Variants in DUS4L observed in about 807,000 individuals in gnomAD.
DUS4L encodes dihydrouridine synthase 4 like, also known as tRNA-dihydrouridine(20a/20b) synthase [NAD(P)+]-like.
Under a neutral mutation model 33.8 loss-of-function variants are expected in DUS4L, and 31 were observed. The observed-to-expected ratio is 0.92, with a 90% confidence interval of 0.69 to 1.24. The LOEUF is 1.24. DUS4L is among the 50% of genes most tolerant of loss of function. DUS4L has a pLI of 0.00. For synonymous variants in DUS4L, 103 were observed against 120.3 expected (o/e 0.86, Z 0.94); for missense variants, 368 against 388.6 (o/e 0.95, Z 0.45).
At position 107,573,693 on chromosome 7, in the gene DUS4L, C is replaced by T. The variant is rs912710102; in HGVS notation, c.239-11C>T. The T allele has an allele frequency of 6.2e-7, 1 of 1,602,184 alleles. No individual in the cohort carries two copies. The highest frequency in any genetic ancestry group is 1.3e-5 in the African/African-American group (1 of 74,250). On this transcript the variant is annotated splice_polypyrimidine_tract_variant and intron_variant, in intron 4 of 7. Coordinates refer to ENST00000265720, the MANE Select transcript of DUS4L (RefSeq NM_181581.3). ...CTGTGAATTTTAATGTTGAGCTATT[C>T]ATTTTGTCAGGTGATTGCCCATTGA...
intron 7 of DUS4L, chr7:107,576,914 A>G (rs2129198667): frequency 3.3e-6 from 1 of 300,282 alleles, no homozygotes. Flanking sequence ...GATAAGAGCT[A>G]AAGGAATCCC....
chr7:107,564,149 C>G lies in DUS4L; in HGVS notation c.-171C>G. On this transcript the variant is annotated 5_prime_UTR_variant, in exon 1 of 8. Coordinates refer to ENST00000265720, the MANE Select transcript of DUS4L (RefSeq NM_181581.3). ...CCGTCGGGCCGGCGCTTTCAGCTGT[C>G]TCTCGCAGCAGCTCAGGGCCGCGCC... is the stretch of plus-strand genomic sequence containing the variant. 5.3e-6 allele frequency: 4 copies of G among 761,258 alleles called. No individual in the cohort carries two copies. The South Asian group carries it at 7.0e-5, about 13-fold the overall frequency. The allele number at this position is 761,258 out of a possible 1,614,324, so 47.2% of individuals were successfully genotyped here.
At chr7:107,575,691 A>T (rs1805658779) in intron 6 of DUS4L, 1 of 169,940 alleles carries the variant, frequency 5.9e-6, no homozygotes, top group African/African-American at 2.4e-5. Flanking sequence ...TGACAGGTTG[A>T]AAACATATTT....
At chr7:107,564,268 C>T in intron 1 of DUS4L, 59 bp downstream of exon 1, 1 of 521,952 alleles carries the variant, frequency 1.9e-6, no homozygotes, top group Non-Finnish European at 3.5e-6. Flanking sequence ...AACCTCAGAA[C>T]AGGGGCCGCG....
Position 107,567,123 on chromosome 7 carries a change from C to T in DUS4L, c.53C>T (p.Pro18Leu). ...ATATGTCAGGAAAGAAAAAAAGATCCCATAGAAATGTTTCATTCTGGACAG... is the reference window on the plus strand; with the variant it reads ...ATATGTCAGGAAAGAAAAAAAGATCTCATAGAAATGTTTCATTCTGGACAG... ...TTICQERKKDPIEMFHSGQLV... is the reference protein window; with the variant it reads ...TTICQERKKDLIEMFHSGQLV... The change falls in exon 3 of 8, where the codon CCC (proline) becomes CTC (leucine). Residue 18 changes from proline (P) to leucine (L), a missense_variant. Coordinates refer to ENST00000265720, the MANE Select transcript of DUS4L (RefSeq NM_181581.3). The T allele has an allele frequency of 6.2e-7, 1 of 1,613,450 alleles. No individual in the cohort carries two copies. The highest frequency in any genetic ancestry group is 2.2e-5 in the East Asian group (1 of 44,780).
intron 5 of DUS4L, 79 bp from the exon 6 acceptor site, chr7:107,575,109 T>TA (rs1359360750): frequency 6.4e-7 from 1 of 1,573,686 alleles, no homozygotes; most frequent in East Asian, 2.2e-5. Flanking sequence ...TGGATGCACT[T>TA]ACATTTCAGT....
At chr7:107,567,627 T>C (rs1022340943) in intron 3 of DUS4L, 2 of 252,908 alleles carry the variant, frequency 7.9e-6, no homozygotes, top group Admixed American at 5.3e-5. Context: ...TGAGTTTTTT[T>C]AGAAGTTTGT....
Position 107,576,370 on chromosome 7 carries a change from CA to C in DUS4L, c.485del (p.His162LeufsTer8). ...GFSVSIKIRI[H>X]DDLKRTVDLC... ...AATGTAATTTTGAAATTGTAGGATC[CA>C]TGATGACCTTAAAAGAACTGTAGAT... On this transcript the variant is annotated frameshift_variant, in exon 7 of 8. Transcript: ENST00000265720. LOFTEE classifies it high-confidence loss of function. The C allele has an allele frequency of 1.8e-5, 29 of 1,604,336 alleles. No homozygotes were observed. Among genetic ancestry groups the C allele is most frequent in the Non-Finnish European group, 2.5e-5 (29 of 1,177,798 alleles).
chr7:107,570,325 G>GGTGAGGAGCTCCTCATTACTGCGGGGCA (rs1432336972), intron 3 of DUS4L: 2 of 152,100 alleles, frequency 1.3e-5, no homozygotes, highest in African/African-American at 4.8e-5. Context: ...ACATCTGGTG[G>GGTGAGGAGCTCCTCATTACTGCGGGGCA]GTGAGGAGCT....
At chr7:107,568,439 T>C (rs1401511430) in intron 3 of DUS4L, among the ~76,000 whole-genome samples, 1 of 152,238 alleles carries the variant, frequency 6.6e-6, no homozygotes, top group Non-Finnish European at 1.5e-5. Context: ...ATTTCCCTAA[T>C]GATTAATGAT....
intron 4 of DUS4L, among the ~76,000 whole-genome samples, chr7:107,572,315 A>T (rs1013260458): frequency 3.9e-5 from 6 of 152,212 alleles, no homozygotes; most frequent in African/African-American, 1.4e-4. Flanking sequence ...AGAATAAAGC[A>T]AATTCTCCTA....
chr7:107,566,951 C>A, intron 2 of DUS4L, 99 bp from the exon 3 acceptor site: 2 of 830,600 alleles, frequency 2.4e-6, no homozygotes, highest in Non-Finnish European at 3.6e-6. Flanking sequence ...AGCCCACAAG[C>A]CTGATAAAAA....
chr7:107,574,527 G>A (rs866066846), intron 5 of DUS4L, among the ~76,000 whole-genome samples: 7 of 151,900 alleles, frequency 4.6e-5, no homozygotes, highest in Admixed American at 1.3e-4. Context: ...TAGTAGAGAC[G>A]GGGTTTCTCT....
chr7:107,573,263 T>G (rs1805426923), intron 4 of DUS4L, among the ~76,000 whole-genome samples: 1 of 152,182 alleles, frequency 6.6e-6, no homozygotes, highest in Non-Finnish European at 1.5e-5. Flanking sequence ...CACTATATGG[T>G]CCATCCGTAC....
intron 7 of DUS4L, chr7:107,576,982 T>C (rs978431583): frequency 3.4e-6 from 1 of 296,186 alleles, no homozygotes; most frequent in Admixed American, 4.7e-5. Context: ...AGCCCTATAA[T>C]TGCTAGATGG....
At chr7:107,577,202 C>A (rs1051965464) in intron 7 of DUS4L, 111 bp from the exon 8 acceptor site, 15 of 1,454,746 alleles carry the variant, frequency 1.0e-5, no homozygotes, top group Middle Eastern at 1.8e-4. Flanking sequence ...AAAGACATTA[C>A]AAAACCTTGT....
chr7:107,576,784 G>C, intron 7 of DUS4L, 192 bp downstream of exon 7: 2 of 530,128 alleles, frequency 3.8e-6, no homozygotes, highest in Non-Finnish European at 6.3e-6. Flanking sequence ...ATCTTAACTG[G>C]GATAAATTAA....
rs1019275181 is a variant in DUS4L, at chr7:107,574,943, A to AC, written c.357-244dup. ...TATTTAAACCTGTTTTGGTTGAATG[A>AC]CTTTTAACTTAATATTCTCACTTGC... On this transcript the variant is annotated intron_variant, in intron 5 of 7. Coordinates refer to ENST00000265720, the MANE Select transcript of DUS4L (RefSeq NM_181581.3). The AC allele has an allele frequency of 6.1e-6, 3 of 491,588 alleles. No individual in the cohort carries two copies. The African/African-American group carries it at 6.2e-5, about 10-fold the overall frequency. The allele number at this position is 491,588 out of a possible 1,614,324, so 30.5% of individuals were successfully genotyped here.
At chr7:107,565,147 C>G (rs1804509708) in intron 2 of DUS4L, among the ~76,000 whole-genome samples, 2 of 152,104 alleles carry the variant, frequency 1.3e-5, no homozygotes, top group Admixed American at 6.5e-5. Flanking sequence ...TGGCTTTATT[C>G]CCCCCAGTGG....
Sources: allele counts gnomAD v4.1 joint callset (sites outside exome capture counted in the v4.1 genomes callset), GRCh38; gene constraint gnomAD v4.1.1; transcripts MANE v1.5; gene names NCBI Gene and HGNC (gene_info 2026-07-23, HGNC 2026-07-21).